The following COL26A1 variants were observed in gnomAD, a reference collection of about 807,000 sequenced individuals.
COL26A1 encodes the protein collagen alpha-1(XXVI) chain.
Under a neutral mutation model 59.3 loss-of-function variants are expected in COL26A1, and 41 were observed. That is an observed-to-expected ratio of 0.69 (90% CI 0.54 to 0.90). COL26A1 has a LOEUF of 0.90. Ranked by LOEUF, COL26A1 falls within the 40% of genes least tolerant of loss-of-function variation. COL26A1 has a pLI of 0.00. For missense variants in COL26A1, 612 were observed against 602.3 expected (o/e 1.02, Z -0.17); for synonymous variants, 266 against 256.0 (o/e 1.04, Z -0.37).
chr7:101,380,335 G>A (rs947393706), intron 1 of COL26A1, among the ~76,000 whole-genome samples: 3 of 134,530 alleles, frequency 2.2e-5, no homozygotes, highest in African/African-American at 5.6e-5. Context: ...TCTCTCTGTC[G>A]CCCAGACTGG....
At chr7:101,534,942 G>A (rs373274942) in intron 4 of COL26A1, among the ~76,000 whole-genome samples, 1 of 152,212 alleles carries the variant, frequency 6.6e-6, no homozygotes, top group African/African-American at 2.4e-5. Flanking sequence ...TGCTGACCAG[G>A]AGTCAAGGAT....
chr7:101,463,025 G>T (rs909684228), intron 3 of COL26A1, among the ~76,000 whole-genome samples: 1 of 152,198 alleles, frequency 6.6e-6, no homozygotes, highest in African/African-American at 2.4e-5. Context: ...GCAAGGACAG[G>T]CCATGATTGA....
Position 101,458,802 on chromosome 7 carries a change from G to GTTT in COL26A1, c.385+11016_385+11017insTTT, listed in dbSNP as rs1562990595. 4.4e-5 allele frequency among the ~76,000 whole-genome samples: 5 copies of GTTT among 113,580 alleles called. 1 individual carries two copies. Among genetic ancestry groups the GTTT allele is most frequent in the Non-Finnish European group, 9.5e-5 (5 of 52,700 alleles). The allele number at this position is 113,580 out of a possible 152,430, so 74.5% of individuals were successfully genotyped here. ...TGGCCAGTGTAGAACTGAAACCTGG[G>GTTT]TCTTTTTTTTTTTTTTGGAGACATG... On this transcript the variant is annotated intron_variant, in intron 3 of 12. Coordinates refer to ENST00000313669, the MANE Select transcript of COL26A1 (RefSeq NM_001278563.3).
chr7:101,504,640 G>A (rs755540098), intron 3 of COL26A1, among the ~76,000 whole-genome samples: 1 of 152,174 alleles, frequency 6.6e-6, no homozygotes, highest in East Asian at 1.9e-4. Flanking sequence ...CCATCTCATT[G>A]GTCCTTCTCC....
intron 3 of COL26A1, among the ~76,000 whole-genome samples, chr7:101,520,470 C>T (rs937504734): frequency 1.3e-5 from 2 of 152,010 alleles, no homozygotes; most frequent in Non-Finnish European, 2.9e-5. Context: ...GAATTGCTTG[C>T]GGCCAGGAGA....
chr7:101,551,087 G>T, intron 9 of COL26A1, 21 bp from the exon 10 acceptor site: 2 of 1,553,200 alleles, frequency 1.3e-6, no homozygotes, highest in Non-Finnish European at 1.7e-6. Context: ...GGCCTCACAC[G>T]CTTCCTTTGG....
At position 101,438,566 on chromosome 7, in the gene COL26A1, G is replaced by T. The variant is rs116456292; in HGVS notation, c.282-9118G>T. 3.8e-3 allele frequency among the ~76,000 whole-genome samples: 574 copies of T among 151,696 alleles called. 7 individuals are homozygous for T. Among genetic ancestry groups the T allele is most frequent in the African/African-American group, 0.013 (554 of 41,480 alleles). On this transcript the variant is annotated intron_variant, in intron 2 of 12. Coordinates refer to ENST00000313669, the MANE Select transcript of COL26A1 (RefSeq NM_001278563.3). The stretch of plus-strand genomic sequence containing the variant: ...CCTACCTGCCGCACAGTCTCTGGTG[G>T]ACTCAGTGTTTTCATCCATAAAATG...
chr7:101,400,954 G>A lies in COL26A1; in HGVS notation c.159-19023G>A, dbSNP rs139433915. 7.6e-4 allele frequency among the ~76,000 whole-genome samples: 116 copies of A among 152,280 alleles called. 1 individual carries two copies. The highest frequency in any genetic ancestry group is 2.7e-3 in the African/African-American group (113 of 41,544). On this transcript the variant is annotated intron_variant, in intron 1 of 12. Transcript: ENST00000313669. Reference sequence around the variant, plus strand: ...ACGAGGGGTGGGGAGATGCGGAGACGGGAGTTCAAGGGCCTGTGGTCTCTC... The same window carrying A: ...ACGAGGGGTGGGGAGATGCGGAGACAGGAGTTCAAGGGCCTGTGGTCTCTC...
At chr7:101,549,320 A>G in intron 9 of COL26A1, 97 bp downstream of exon 9, 2 of 759,198 alleles carry the variant, frequency 2.6e-6, no homozygotes, top group Non-Finnish European at 4.5e-6. Context: ...TACCAGCAAG[A>G]GTCACTCAGG....
At chr7:101,444,590 T>C (rs1793141331) in intron 2 of COL26A1, among the ~76,000 whole-genome samples, 1 of 151,998 alleles carries the variant, frequency 6.6e-6, no homozygotes, top group Non-Finnish European at 1.5e-5. Flanking sequence ...AATTTTTGTA[T>C]TTTTAGTAGA....
chr7:101,495,016 G>A (rs1206249478), intron 3 of COL26A1, among the ~76,000 whole-genome samples: 2 of 152,204 alleles, frequency 1.3e-5, no homozygotes, highest in East Asian at 1.9e-4. Flanking sequence ...GCAGCCTGAA[G>A]GAGCTGCTGC....
In COL26A1 at chr7:101,558,034, C is replaced by T. The variant is rs10264081; in HGVS notation, c.*504C>T. The T allele has an allele frequency of 0.24, 35,882 of 152,382 alleles. 5,092 individuals carry two copies. The highest frequency in any genetic ancestry group is 0.73 in the East Asian group (3,766 of 5,158). The allele number at this position is 152,382 out of a possible 1,614,324, so 9.4% of individuals were successfully genotyped here. ...CTCAGTTCCTGAAGCCATGTTCTCTCGACCCTGCCAGCTTCCCCTCTTCGA... is the reference window on the plus strand; with the variant it reads ...CTCAGTTCCTGAAGCCATGTTCTCTTGACCCTGCCAGCTTCCCCTCTTCGA... On this transcript the variant is annotated 3_prime_UTR_variant, in exon 13 of 13. Transcript: ENST00000313669.
At chr7:101,401,332 G>C (rs982368954) in intron 1 of COL26A1, among the ~76,000 whole-genome samples, 7 of 152,178 alleles carry the variant, frequency 4.6e-5, no homozygotes, top group Non-Finnish European at 1.5e-5. Context: ...TGAGGGTGAT[G>C]ATGAAAGCTA....
At chr7:101,408,236 G>T (rs1022704474) in intron 1 of COL26A1, among the ~76,000 whole-genome samples, 3 of 152,146 alleles carry the variant, frequency 2.0e-5, no homozygotes, top group African/African-American at 7.2e-5. Flanking sequence ...GGAAGGGAGG[G>T]GACTGAGGCA....
intron 3 of COL26A1, among the ~76,000 whole-genome samples, chr7:101,499,031 A>C (rs771421795): frequency 6.6e-6 from 1 of 152,236 alleles, no homozygotes; most frequent in Non-Finnish European, 1.5e-5. Flanking sequence ...TTGTACTTGA[A>C]ATGGAGCCAT....
chr7:101,470,460 C>T (rs186771388), intron 3 of COL26A1, among the ~76,000 whole-genome samples: 1 of 151,980 alleles, frequency 6.6e-6, no homozygotes, highest in African/African-American at 2.4e-5. Flanking sequence ...TCTTTCTTCT[C>T]TATGTCTGCT....
At chr7:101,375,726 G>A (rs920622301) in intron 1 of COL26A1, among the ~76,000 whole-genome samples, 1 of 151,538 alleles carries the variant, frequency 6.6e-6, no homozygotes, top group African/African-American at 2.4e-5. Context: ...GGTGGCTCAC[G>A]CTTGTAATCC....
intron 3 of COL26A1, among the ~76,000 whole-genome samples, chr7:101,472,587 C>T (rs1554417773): frequency 6.6e-6 from 1 of 152,174 alleles, no homozygotes; most frequent in Non-Finnish European, 1.5e-5. Flanking sequence ...TGAGGCCATC[C>T]TGGTAGGTGA....
In COL26A1 at chr7:101,456,166, ATATTT is replaced by A. The variant is rs1362009155; in HGVS notation, c.385+8381_385+8385del. Reference sequence around the variant, plus strand: ...CATTACTGTAAGTATATATATATATATATTTTTTTTTTAATGGAGATAAAATTTAC... The same window carrying A: ...CATTACTGTAAGTATATATATATATATTTTTTTAATGGAGATAAAATTTAC... On this transcript the variant is annotated intron_variant, in intron 3 of 12. Transcript: ENST00000313669. Among the ~76,000 whole-genome samples the A allele has an allele frequency of 1.1e-4, 11 of 99,620 alleles. No individual in the cohort carries two copies. The South Asian group carries it at 1.2e-3, about 11-fold the overall frequency. 65.4% of individuals were successfully genotyped at this position (99,620 alleles called of 152,430 possible). A position where few individuals can be genotyped will look rare whatever the true frequency, so the allele number is the denominator to read the frequency against.
Sources: gnomAD v4.1 joint callset for allele counts (sites outside exome capture counted in the v4.1 genomes callset) on GRCh38, gnomAD v4.1.1 for gene constraint, MANE v1.5 for transcripts, NCBI Gene and HGNC (gene_info 2026-07-23, HGNC 2026-07-21) for gene names.